DENND4C: variants seen among roughly 807,000 people sequenced by gnomAD.
DENND4C encodes DENN domain containing 4C.
In DENND4C, 108 loss-of-function variants were observed where a neutral mutation model predicts 203.0. That is an observed-to-expected ratio of 0.53 (90% CI 0.46 to 0.62). The LOEUF is 0.62. Among genes scored for constraint, DENND4C ranks in the 20% least tolerant of loss-of-function variants. The probability of loss-of-function intolerance (pLI) is 0.00; values close to 1 mark genes in which losing one functional copy is unlikely to be tolerated. For missense variants in DENND4C, 2,481 were observed against 2,301.2 expected (o/e 1.08, Z -1.60); for synonymous variants, 871 against 792.4 (o/e 1.10, Z -1.67).
In DENND4C at chr9:19,296,160, C is replaced by T. The variant is rs1057407144; in HGVS notation, c.954C>T (p.His318=). 3 of 1,613,896 alleles carry T rather than the reference C, an allele frequency of 1.9e-6. No individual in the cohort carries two copies. Among genetic ancestry groups the T allele is most frequent in the Non-Finnish European group, 2.5e-6 (3 of 1,179,976 alleles). ...ACAAATGCATTTGTTTACTCTCACA[C>T]TGGCCTTTTTTTGAAGCTTTTAGGA... The part of the protein sequence containing the change: ...NTNKCICLLS[H]WPFFEAFRKF... Residue 318 remains histidine, a synonymous_variant, in exon 6 of 33, where the codon CAC becomes CAT. Transcript: ENST00000434457.
chr9:19,327,162 C>A (rs1818004645), intron 15 of DENND4C, among the ~76,000 whole-genome samples: 2 of 151,838 alleles, frequency 1.3e-5, no homozygotes. Context: ...GGCTTAACTA[C>A]AAGAAATTGG....
chr9:19,358,023 A>G lies in DENND4C; in HGVS notation c.5023A>G (p.Asn1675Asp). Reference protein sequence around the residue: ...VQTMKISSVPNSLSKRNVSLT... With the variant: ...VQTMKISSVPDSLSKRNVSLT... ...AACTATGAAAATTTCATCTGTGCCT[A>G]ATAGTTTATCAAAGCGAAATGTGTC... The change falls in exon 28 of 33, where the codon AAT becomes GAT. Residue 1675 changes from asparagine (N) to aspartate (D), a missense_variant. Transcript: ENST00000434457. The surrounding 1 kb of genome is among the most constrained non-coding windows in gnomAD (Gnocchi z 4.8). 1 of 1,613,818 alleles carries G rather than the reference A, an allele frequency of 6.2e-7. No individual in the cohort carries two copies.
In DENND4C at chr9:19,277,501, G is replaced by T. The variant is rs1833112897; in HGVS notation, c.305+1022G>T. On this transcript the variant is annotated intron_variant, in intron 2 of 32. Transcript: ENST00000434457. ...TGGTGTATAGAAATAGCTGATTTTT[G>T]TGTGCTAATCTTGCACTCTGCAACT... 3.9e-5 allele frequency among the ~76,000 whole-genome samples: 6 copies of T among 152,000 alleles called. No individual in the cohort carries two copies. The South Asian group carries it at 1.2e-3, about 32-fold the overall frequency.
At chr9:19,246,791 G>A (rs1003753961) in intron 1 of DENND4C, among the ~76,000 whole-genome samples, 11 of 151,526 alleles carry the variant, frequency 7.3e-5, no homozygotes, top group Admixed American at 2.6e-4. Flanking sequence ...TTTTCCTGGC[G>A]AATCATTTTT....
At position 19,373,655 on chromosome 9, in the gene DENND4C, A is replaced by G. The variant is rs1340207577; in HGVS notation, c.*1482A>G. 1.3e-5 allele frequency: 2 copies of G among 152,606 alleles called. No homozygotes were observed. Among genetic ancestry groups the G allele is most frequent in the African/African-American group, 4.8e-5 (2 of 41,446 alleles). 9.5% of individuals were successfully genotyped at this position (152,606 alleles called of 1,614,324 possible). On this transcript the variant is annotated 3_prime_UTR_variant, in exon 33 of 33. Transcript: ENST00000434457. ...TCTCACATGCCTCACTTTGACATTT[A>G]TCATGCCTTTTATTAAAAATATCCC...
rs578190062 is a variant in DENND4C, at chr9:19,366,928, G to A, written c.5525-2909G>A. 1.8e-3 allele frequency among the ~76,000 whole-genome samples: 281 copies of A among 152,334 alleles called. 1 individual carries two copies. The highest frequency in any genetic ancestry group is 6.5e-3 in the African/African-American group (272 of 41,582). ...AGTGAAAGGTCAATCGACAGATTGGGAGGAGATATTTGCAAATCATATCTT... is the reference window on the plus strand; with the variant it reads ...AGTGAAAGGTCAATCGACAGATTGGAAGGAGATATTTGCAAATCATATCTT... On this transcript the variant is annotated intron_variant, in intron 30 of 32. Coordinates refer to ENST00000434457, the MANE Select transcript of DENND4C (RefSeq NM_001330640.2).
chr9:19,276,556 C>G, intron 2 of DENND4C, 77 bp downstream of exon 2: 2 of 846,804 alleles, frequency 2.4e-6, no homozygotes, highest in South Asian at 6.3e-5. Flanking sequence ...AATTTGAAAT[C>G]CTTGATAGTT....
At position 19,332,044 on chromosome 9, in the gene DENND4C, C is replaced by G. The variant is rs746087069; in HGVS notation, c.2320C>G (p.Leu774Val). Residue 774 changes from leucine to valine, a missense_variant, in exon 17 of 33, where the codon CTG becomes GTG. By Grantham distance (32) the Leu-to-Val change is conservative (BLOSUM62 1). Coordinates refer to ENST00000434457, the MANE Select transcript of DENND4C (RefSeq NM_001330640.2). ...AAATCCACCACAGTGGGCCAAGTGT[C>G]TGTTTAGTCATTGTTACAGTTTATG... ...YTNPPQWAKC[L>V]FSHCYSLWFI... 16 of 1,614,024 alleles carry G rather than the reference C, an allele frequency of 9.9e-6. No individual in the cohort carries two copies. The highest frequency in any genetic ancestry group is 5.5e-5 in the South Asian group (5 of 91,068).
intron 3 of DENND4C, 134 bp downstream of exon 3, chr9:19,287,155 T>G (rs1475719221): frequency 1.2e-6 from 1 of 855,580 alleles, no homozygotes; most frequent in Admixed American, 4.3e-5. Flanking sequence ...TCCTAATTTT[T>G]ATGATTTGTA....
chr9:19,252,164 G>A (rs1393421212), intron 1 of DENND4C, among the ~76,000 whole-genome samples: 2 of 152,144 alleles, frequency 1.3e-5, no homozygotes, highest in Non-Finnish European at 2.9e-5. Context: ...ATGGCAGAAG[G>A]CAAGGAGGAG....
At chr9:19,255,956 G>T (rs1403302020) in intron 1 of DENND4C, among the ~76,000 whole-genome samples, 6 of 152,068 alleles carry the variant, frequency 3.9e-5, no homozygotes, top group Admixed American at 3.9e-4. Flanking sequence ...CCACATTCAG[G>T]CTGAGCATGG....
chr9:19,308,814 C>T (rs1840194168), intron 10 of DENND4C, among the ~76,000 whole-genome samples: 1 of 152,172 alleles, frequency 6.6e-6, no homozygotes, highest in African/African-American at 2.4e-5. Context: ...TTCAGCTAAA[C>T]TTGATGTGAC....
chr9:19,353,739 C>T (rs1430789922), intron 26 of DENND4C, among the ~76,000 whole-genome samples: 1 of 152,230 alleles, frequency 6.6e-6, no homozygotes, highest in East Asian at 1.9e-4. Flanking sequence ...TCGAGACCAG[C>T]CTGGGCAACA....
chr9:19,264,045 C>T (rs1829987064), intron 1 of DENND4C, among the ~76,000 whole-genome samples: 1 of 152,092 alleles, frequency 6.6e-6, no homozygotes. Flanking sequence ...GTATTCTGTT[C>T]ACTGTTTTTC....
intron 7 of DENND4C, among the ~76,000 whole-genome samples, chr9:19,298,813 T>G (rs1476478080): frequency 1.3e-5 from 2 of 152,166 alleles, no homozygotes; most frequent in African/African-American, 4.8e-5. Flanking sequence ...CTTAACATTA[T>G]GTATGGTGGG....
At chr9:19,280,245 T>A (rs956024961) in intron 2 of DENND4C, among the ~76,000 whole-genome samples, 3 of 151,924 alleles carry the variant, frequency 2.0e-5, no homozygotes, top group South Asian at 2.1e-4. Context: ...CACCTCGGGT[T>A]CAAGCAATTC....
Position 19,365,302 on chromosome 9 carries a change from C to T in DENND4C, c.5524+3339C>T, listed in dbSNP as rs115067320. Among the ~76,000 whole-genome samples the T allele has an allele frequency of 4.4e-3, 673 of 152,232 alleles. 2 individuals are homozygous for T. Among genetic ancestry groups the T allele is most frequent in the African/African-American group, 0.015 (639 of 41,534 alleles). On this transcript the variant is annotated intron_variant, in intron 30 of 32. Coordinates refer to ENST00000434457, the MANE Select transcript of DENND4C (RefSeq NM_001330640.2). ...TCAATAGAGTAAAGGACAAAATTCA[C>T]GTGATCATCTCAGGAGGCACAGCCA...
intron 12 of DENND4C, among the ~76,000 whole-genome samples, chr9:19,320,824 C>T (rs1483346177): frequency 6.6e-6 from 1 of 152,186 alleles, no homozygotes; most frequent in Non-Finnish European, 1.5e-5. Context: ...GGTCTAGCAG[C>T]CTTTGCTGAT....
At chr9:19,246,940 A>T (rs552053631) in intron 1 of DENND4C, among the ~76,000 whole-genome samples, 11 of 152,150 alleles carry the variant, frequency 7.2e-5, no homozygotes, top group Admixed American at 6.6e-4. Context: ...AGAATTGCTC[A>T]TTCTCAGTAT....
Sources: gnomAD v4.1 joint callset for allele counts (sites outside exome capture counted in the v4.1 genomes callset) on GRCh38, gnomAD v4.1.1 for gene constraint, Gnocchi (gnomAD v3.1) non-coding constraint, MANE v1.5 for transcripts, NCBI Gene and HGNC (gene_info 2026-07-23, HGNC 2026-07-21) for gene names.